The following NKAIN2 variants were observed in gnomAD, a reference collection of about 807,000 sequenced individuals.
NKAIN2 encodes sodium/potassium transporting ATPase interacting 2, also known as sodium/potassium-transporting ATPase subunit beta-1-interacting protein 2.
In NKAIN2, 14 loss-of-function variants were observed where a neutral mutation model predicts 32.6. That is an observed-to-expected ratio of 0.43 (90% CI 0.28 to 0.67). The LOEUF is 0.67. Ranked by LOEUF, NKAIN2 falls within the 30% of genes least tolerant of loss-of-function variation. The pLI, the probability that NKAIN2 is intolerant of heterozygous loss-of-function variation, is 0.17. For synonymous variants in NKAIN2, 80 were observed against 87.2 expected (o/e 0.92, Z 0.46); for missense variants, 198 against 258.3 (o/e 0.77, Z 1.60).
chr6:123,914,681 G>A (rs554158626), intron 1 of NKAIN2, among the ~76,000 whole-genome samples: 5 of 152,150 alleles, frequency 3.3e-5, no homozygotes, highest in African/African-American at 9.6e-5. Flanking sequence ...TTCATACCCC[G>A]GCTGTCTCAC....
At chr6:124,546,955 A>G (rs749389145) in intron 3 of NKAIN2, among the ~76,000 whole-genome samples, 61 of 152,310 alleles carry the variant, frequency 4.0e-4, no homozygotes, top group Non-Finnish European at 6.2e-4. Context: ...AAAGTTTCTG[A>G]ATGTGAAGTG....
At chr6:124,637,310 C>T (rs1783808694) in intron 3 of NKAIN2, among the ~76,000 whole-genome samples, 2 of 152,038 alleles carry the variant, frequency 1.3e-5, no homozygotes, top group South Asian at 4.1e-4. Flanking sequence ...AGCTAAAAGC[C>T]TTTCCTCTAA....
intron 5 of NKAIN2, among the ~76,000 whole-genome samples, chr6:124,802,153 G>T (rs1780289880): frequency 6.6e-6 from 1 of 152,144 alleles, no homozygotes; most frequent in Non-Finnish European, 1.5e-5. Flanking sequence ...ACAAGGTAAA[G>T]AATATTTCTC....
At chr6:124,432,834 T>G (rs1450342197) in intron 3 of NKAIN2, among the ~76,000 whole-genome samples, 3 of 152,018 alleles carry the variant, frequency 2.0e-5, no homozygotes, top group Admixed American at 6.6e-5. Flanking sequence ...CCAGACTGCT[T>G]CTTCCCCCAC....
intron 1 of NKAIN2, among the ~76,000 whole-genome samples, chr6:123,942,143 G>A (rs1035064624): frequency 1.3e-5 from 2 of 151,856 alleles, no homozygotes; most frequent in Non-Finnish European, 2.9e-5. Flanking sequence ...TGGTTTCATA[G>A]TCTAAAATTT....
chr6:124,290,490 C>A (rs1280133063), intron 2 of NKAIN2, among the ~76,000 whole-genome samples: 1 of 145,226 alleles, frequency 6.9e-6, no homozygotes, highest in Non-Finnish European at 1.5e-5. Context: ...CTTTATAGTT[C>A]TTCTGGGGTT....
chr6:124,160,437 C>T (rs560654454), intron 1 of NKAIN2, among the ~76,000 whole-genome samples: 9 of 152,178 alleles, frequency 5.9e-5, no homozygotes, highest in African/African-American at 2.2e-4. Flanking sequence ...GTATTTTCTA[C>T]ATTAAATTTA....
At chr6:124,055,542 T>C (rs1782603781) in intron 1 of NKAIN2, among the ~76,000 whole-genome samples, 1 of 152,046 alleles carries the variant, frequency 6.6e-6, no homozygotes, top group Non-Finnish European at 1.5e-5. Flanking sequence ...TCCATTCTTT[T>C]GTCCTCAGAG....
chr6:124,808,984 G>A (rs1582561937), intron 5 of NKAIN2, among the ~76,000 whole-genome samples: 3 of 152,224 alleles, frequency 2.0e-5, no homozygotes, highest in African/African-American at 7.2e-5. Flanking sequence ...AATTAAAGAG[G>A]ATACAAACAA....
intron 4 of NKAIN2, among the ~76,000 whole-genome samples, chr6:124,669,563 G>T (rs1378169928): frequency 6.6e-6 from 1 of 152,034 alleles, no homozygotes; most frequent in Non-Finnish European, 1.5e-5. Context: ...GAGTATTATA[G>T]GTAGGAGAAC....
chr6:123,997,629 A>T (rs1779684193), intron 1 of NKAIN2, among the ~76,000 whole-genome samples: 3 of 122,832 alleles, frequency 2.4e-5, no homozygotes, highest in Non-Finnish European at 4.8e-5. Context: ...TTTGAGACAG[A>T]GTCTCGCTCT....
intron 3 of NKAIN2, among the ~76,000 whole-genome samples, chr6:124,479,163 G>T (rs1433224232): frequency 1.3e-5 from 2 of 152,110 alleles, no homozygotes; most frequent in Non-Finnish European, 2.9e-5. Flanking sequence ...GGAGCCTGGG[G>T]AGATAGGACA....
intron 3 of NKAIN2, among the ~76,000 whole-genome samples, chr6:124,439,841 A>G (rs1775616104): frequency 6.6e-6 from 1 of 151,904 alleles, no homozygotes; most frequent in African/African-American, 2.4e-5. Flanking sequence ...TGGTCCCCGC[A>G]CTTCATCTCC....
At chr6:124,580,936 CAAAG>C (rs773951330) in intron 3 of NKAIN2, among the ~76,000 whole-genome samples, 5 of 151,840 alleles carry the variant, frequency 3.3e-5, no homozygotes, top group Non-Finnish European at 5.9e-5. Context: ...TAAAAATAGA[CAAAG>C]AAGGTCATTA....
Position 124,219,229 on chromosome 6 carries a change from T to C in NKAIN2, c.55-63776T>C, listed in dbSNP as rs73561257. On this transcript the variant is annotated intron_variant, in intron 1 of 6. Transcript: ENST00000368417. Reference sequence around the variant, plus strand: ...AAATTATATTAGGACAATTTATTTATTAACTCATTGAGCAAACACTTATTT... The same window carrying C: ...AAATTATATTAGGACAATTTATTTACTAACTCATTGAGCAAACACTTATTT... Among the ~76,000 whole-genome samples the C allele has an allele frequency of 4.1e-3, 619 of 152,246 alleles. 6 individuals carry two copies. Among genetic ancestry groups the C allele is most frequent in the African/African-American group, 0.014 (571 of 41,576 alleles).
At chr6:124,545,953 G>T (rs1780080538) in intron 3 of NKAIN2, among the ~76,000 whole-genome samples, 1 of 152,042 alleles carries the variant, frequency 6.6e-6, no homozygotes, top group Admixed American at 6.6e-5. Flanking sequence ...TTCAGAGACT[G>T]CTGTCTCTGC....
At chr6:124,418,260 T>C (rs1053569984) in intron 3 of NKAIN2, among the ~76,000 whole-genome samples, 6 of 151,978 alleles carry the variant, frequency 3.9e-5, no homozygotes, top group Non-Finnish European at 8.8e-5. Flanking sequence ...AACAAACCAG[T>C]TTAAAGCCAG....
intron 1 of NKAIN2, among the ~76,000 whole-genome samples, chr6:124,215,840 G>A (rs865877121): frequency 2.6e-5 from 4 of 152,138 alleles, no homozygotes; most frequent in Non-Finnish European, 4.4e-5. Flanking sequence ...AGTCCTGGCC[G>A]GATGCAGTGG....
intron 3 of NKAIN2, among the ~76,000 whole-genome samples, chr6:124,535,422 G>C (rs1417123333): frequency 6.6e-6 from 1 of 152,146 alleles, no homozygotes; most frequent in East Asian, 1.9e-4. Flanking sequence ...TTCTTTTTCA[G>C]TATTACACCA....
Sources: allele counts gnomAD v4.1 joint callset (sites outside exome capture counted in the v4.1 genomes callset), GRCh38; gene constraint gnomAD v4.1.1; transcripts MANE v1.5; gene names NCBI Gene and HGNC (gene_info 2026-07-23, HGNC 2026-07-21).